KLHL29: variants seen among roughly 807,000 people sequenced by gnomAD.
The protein encoded by KLHL29 is kelch-like protein 29.
In KLHL29, 21 loss-of-function variants were observed where a neutral mutation model predicts 80.4. The ratio of observed to expected loss-of-function variants is 0.26; its 90% CI spans 0.19 to 0.38. KLHL29 has a LOEUF of 0.38. Ranked by LOEUF, KLHL29 falls within the 10% of genes least tolerant of loss-of-function variation. KLHL29 has a pLI of 1.00. For missense variants in KLHL29, 867 were observed against 1,223.9 expected, an observed-to-expected ratio of 0.71 and a Z score of 4.35; for synonymous variants, 511 against 526.8, an observed-to-expected ratio of 0.97 and a Z score of 0.41.
chr2:23,609,254 G>A (rs1668799290), intron 3 of KLHL29, among the ~76,000 whole-genome samples: 1 of 152,222 alleles, frequency 6.6e-6, no homozygotes, highest in African/African-American at 2.4e-5. Flanking sequence ...ATGGCCTGCA[G>A]TGGCAGGGCA....
At chr2:23,640,123 A>G (rs1177683417) in intron 4 of KLHL29, among the ~76,000 whole-genome samples, 6 of 151,936 alleles carry the variant, frequency 3.9e-5, no homozygotes, top group African/African-American at 1.5e-4. Context: ...TCATGTCCTC[A>G]CAGTTGGGCT....
At chr2:23,416,188 G>C (rs1479118108) in intron 1 of KLHL29, among the ~76,000 whole-genome samples, 1 of 152,146 alleles carries the variant, frequency 6.6e-6, no homozygotes, top group Non-Finnish European at 1.5e-5. Flanking sequence ...CTGGAAAGAA[G>C]CTGTTGTATT....
At chr2:23,449,944 T>C (rs1663822508) in intron 1 of KLHL29, among the ~76,000 whole-genome samples, 1 of 152,150 alleles carries the variant, frequency 6.6e-6, no homozygotes, top group Non-Finnish European at 1.5e-5. Flanking sequence ...TTGGCTGGCT[T>C]TATTCTGTGC....
At chr2:23,705,278 G>A (rs1672646017) in intron 13 of KLHL29, among the ~76,000 whole-genome samples, 1 of 152,168 alleles carries the variant, frequency 6.6e-6, no homozygotes, top group Non-Finnish European at 1.5e-5. Flanking sequence ...GGATCACGAG[G>A]TCAGGAGTTC....
In KLHL29 at chr2:23,581,504, C is replaced by T. The variant is rs550947368; in HGVS notation, c.285+19023C>T. Among the ~76,000 whole-genome samples the T allele has an allele frequency of 7.2e-5, 11 of 152,262 alleles. No individual in the cohort carries two copies. The South Asian group carries it at 1.4e-3, about 20-fold the overall frequency. On this transcript the variant is annotated intron_variant, in intron 3 of 13. Coordinates refer to ENST00000486442, the MANE Select transcript of KLHL29 (RefSeq NM_052920.2). ...CCGCCTTCCACTGTGGCCACGCACA[C>T]CTGGTACTGCATTGTGCTGGGGCTT...
chr2:23,505,832 A>G (rs1665582517), intron 2 of KLHL29, among the ~76,000 whole-genome samples: 1 of 152,200 alleles, frequency 6.6e-6, no homozygotes, highest in African/African-American at 2.4e-5. Context: ...TTTACATCAG[A>G]AGTGTCCTCC....
chr2:23,671,622 C>A (rs1670766054), intron 5 of KLHL29, among the ~76,000 whole-genome samples: 1 of 152,178 alleles, frequency 6.6e-6, no homozygotes, highest in Admixed American at 6.5e-5. Flanking sequence ...AGCAGAAGCC[C>A]TGAGGCTGCT....
intron 1 of KLHL29, among the ~76,000 whole-genome samples, chr2:23,440,911 G>T (rs1375658728): frequency 6.6e-6 from 1 of 152,234 alleles, no homozygotes; most frequent in Non-Finnish European, 1.5e-5. Context: ...CCTTGTGGAA[G>T]TCAGTGTGGC....
Position 23,696,671 on chromosome 2 carries a change from G to C in KLHL29, c.2105+158G>C. 1 of 587,260 alleles carries C rather than the reference G, an allele frequency of 1.7e-6. No individual in the cohort carries two copies. The highest frequency in any genetic ancestry group is 3.0e-6 in the Non-Finnish European group (1 of 338,850). 36.4% of individuals were successfully genotyped at this position (587,260 alleles called of 1,614,324 possible). A position where few individuals can be genotyped will look rare whatever the true frequency, so the allele number is the denominator to read the frequency against. On this transcript the variant is annotated intron_variant, in intron 11 of 13. Coordinates refer to ENST00000486442, the MANE Select transcript of KLHL29 (RefSeq NM_052920.2). This position sits in a 1 kb window ranked among gnomAD's most constrained non-coding sequence, Gnocchi z 5.5. ...TCCCAGGCTCTTCAGTCACAGCACC[G>C]GGGGCAGCAGGGTGTGGGATACAAG...
At chr2:23,561,256 C>T (rs1667439293) in intron 2 of KLHL29, among the ~76,000 whole-genome samples, 1 of 152,316 alleles carries the variant, frequency 6.6e-6, no homozygotes, top group Non-Finnish European at 1.5e-5. Flanking sequence ...ACACCAGGCC[C>T]TGGATGGGCA....
intron 3 of KLHL29, among the ~76,000 whole-genome samples, chr2:23,615,534 C>T (rs558344198): frequency 2.0e-5 from 3 of 152,240 alleles, no homozygotes; most frequent in South Asian, 2.1e-4. Flanking sequence ...CGTCCCCGGG[C>T]TCTGTGTGAG....
intron 2 of KLHL29, among the ~76,000 whole-genome samples, chr2:23,539,995 G>A (rs963696473): frequency 2.0e-5 from 3 of 152,112 alleles, no homozygotes; most frequent in African/African-American, 7.2e-5. Context: ...GGGAACAGGT[G>A]TGCCGCCCAC....
intron 3 of KLHL29, among the ~76,000 whole-genome samples, chr2:23,603,828 C>T (rs906127980): frequency 6.6e-6 from 1 of 152,262 alleles, no homozygotes; most frequent in African/African-American, 2.4e-5. Flanking sequence ...GAAGGCTGCA[C>T]TCAGCCCATC....
At chr2:23,584,023 G>A (rs1009134801) in intron 3 of KLHL29, among the ~76,000 whole-genome samples, 7 of 152,172 alleles carry the variant, frequency 4.6e-5, no homozygotes, top group Admixed American at 1.3e-4. Flanking sequence ...GGAAGGAACT[G>A]GTTCCAGTGA....
rs1464217043 is a variant in KLHL29, at chr2:23,521,807, AAGCAGTCTGTGGTCTT to A, written c.-45-40342_-45-40327del. 2.6e-5 allele frequency among the ~76,000 whole-genome samples: 4 copies of A among 152,230 alleles called. No homozygotes were observed. The South Asian group carries it at 8.3e-4, about 32-fold the overall frequency. ...GTTGAATTCCAAAGCCCACACTCTT[AAGCAGTCTGTGGTCTT>A]AGTAGTATCATTAATTATGCAATGA... On this transcript the variant is annotated intron_variant, in intron 2 of 13. Coordinates refer to ENST00000486442, the MANE Select transcript of KLHL29 (RefSeq NM_052920.2).
intron 5 of KLHL29, 28 bp downstream of exon 5, chr2:23,642,878 A>G: frequency 6.5e-7 from 1 of 1,549,728 alleles, no homozygotes; most frequent in Non-Finnish European, 8.7e-7. Flanking sequence ...GTGCCTCCCC[A>G]CGGGCCTGCG....
intron 1 of KLHL29, among the ~76,000 whole-genome samples, chr2:23,431,619 G>A (rs988170039): frequency 5.3e-5 from 8 of 152,044 alleles, no homozygotes; most frequent in African/African-American, 1.2e-4. Flanking sequence ...AAGGCCGGGC[G>A]CGGTGGCTCA....
At chr2:23,489,491 C>T (rs1054080921) in intron 2 of KLHL29, among the ~76,000 whole-genome samples, 1 of 152,058 alleles carries the variant, frequency 6.6e-6, no homozygotes, top group Non-Finnish European at 1.5e-5. Flanking sequence ...AGAGCTTGTC[C>T]CCAGCTGCCT....
rs544537535 is a variant in KLHL29 at position 23,412,130 on chromosome 2, G to T, written c.-154+26350G>T. Among the ~76,000 whole-genome samples, 27 of 134,372 alleles carry T rather than the reference G, an allele frequency of 2.0e-4. 2 individuals carry two copies. Among genetic ancestry groups the T allele is most frequent in the Admixed American group, 5.7e-4 (7 of 12,206 alleles). The allele number at this position is 134,372 out of a possible 152,430, so 88.2% of individuals were successfully genotyped here. On this transcript the variant is annotated intron_variant, in intron 1 of 13. Coordinates refer to ENST00000486442, the MANE Select transcript of KLHL29 (RefSeq NM_052920.2). ...AAAATGTGTGTGCGTGAAGGGGGGG[G>T]GGGGGCGGTGCGGTAGAGGTAGGAT...
Sources: gnomAD v4.1 joint callset for allele counts (sites outside exome capture counted in the v4.1 genomes callset) on GRCh38, gnomAD v4.1.1 for gene constraint, Gnocchi (gnomAD v3.1) non-coding constraint, MANE v1.5 for transcripts, NCBI Gene and HGNC (gene_info 2026-07-23, HGNC 2026-07-21) for gene names.